TUB: variants seen among roughly 807,000 people sequenced by gnomAD.
The protein encoded by TUB is TUB bipartite transcription factor.
Under a neutral mutation model 59.7 loss-of-function variants are expected in TUB, and 33 were observed. That is an observed-to-expected ratio of 0.55 (90% CI 0.42 to 0.74). The LOEUF (loss-of-function observed/expected upper bound fraction) is 0.74. Among genes scored for constraint, TUB ranks in the 30% least tolerant of loss-of-function variants. The pLI is 0.00. For synonymous variants in TUB, 293 were observed against 256.4 expected (o/e 1.14, Z -1.36); for missense variants, 659 against 672.0 (o/e 0.98, Z 0.21).
intron 9 of TUB, among the ~76,000 whole-genome samples, chr11:8,100,158 TG>T (rs1322169848): frequency 2.0e-5 from 3 of 152,080 alleles, no homozygotes; most frequent in Admixed American, 6.5e-5. Context: ...TGAAAAGTGG[TG>T]GAAGTCTGGG....
intron 3 of TUB, among the ~76,000 whole-genome samples, chr11:8,090,731 C>T (rs186916107): frequency 1.9e-3 from 295 of 152,324 alleles, no homozygotes; most frequent in African/African-American, 6.5e-3. Context: ...CTGTAGTGAC[C>T]TGGAGCCTGC....
rs1412186938 is a variant in TUB, at chr11:8,100,900, TGTCTGGAATGATGACACACA to T, written c.1294_1313del (p.Trp432LeufsTer24). ...TCATCGAGCTGCAAAACAAGACACC[TGTCTGGAATGATGACACACA>T]GTCCTATGTACTCAACTTCCATGGG... On this transcript the variant is annotated frameshift_variant, in exon 11 of 12. Transcript: ENST00000299506. LOFTEE classifies it high-confidence loss of function. 1 of 1,614,058 alleles carries T rather than the reference TGTCTGGAATGATGACACACA, an allele frequency of 6.2e-7. No individual in the cohort carries two copies. Among genetic ancestry groups the T allele is most frequent in the Non-Finnish European group, 8.5e-7 (1 of 1,180,034 alleles).
At chr11:8,049,848 A>T (rs1942906161) in intron 2 of TUB, among the ~76,000 whole-genome samples, 1 of 152,176 alleles carries the variant, frequency 6.6e-6, no homozygotes, top group African/African-American at 2.4e-5. Context: ...TGAAGTATAT[A>T]TAGTAACATG....
intron 2 of TUB, among the ~76,000 whole-genome samples, chr11:8,044,151 C>T (rs1287522172): frequency 6.6e-6 from 1 of 152,130 alleles, no homozygotes; most frequent in African/African-American, 2.4e-5. Flanking sequence ...AAACATTGGG[C>T]ATTATTTCTT....
intron 1 of TUB, 38 bp downstream of exon 1, chr11:8,081,586 A>G: frequency 6.7e-7 from 1 of 1,495,264 alleles, no homozygotes; most frequent in Admixed American, 2.2e-5. Context: ...ACCACTCCCG[A>G]CTCGGGACGT....
intron 2 of TUB, among the ~76,000 whole-genome samples, chr11:8,048,661 C>T (rs1259553857): frequency 2.6e-5 from 4 of 152,180 alleles, no homozygotes; most frequent in Non-Finnish European, 5.9e-5. Flanking sequence ...CCAACTTGGC[C>T]TCCTAAAGTG....
In TUB at chr11:8,101,001, A is replaced by G. The variant is rs1181868273; in HGVS notation, c.1387+4A>G. On this transcript the variant is annotated splice_donor_region_variant and intron_variant, in intron 11 of 11. Coordinates refer to ENST00000299506, the MANE Select transcript of TUB (RefSeq NM_177972.3). ...CAGATCATCCATGGCAATGACCGTG[A>G]GTGTTTCTGTCCCTACTCATTATGG... 1.2e-6 allele frequency: 2 copies of G among 1,614,078 alleles called. No homozygotes were observed. The highest frequency in any genetic ancestry group is 1.7e-6 in the Non-Finnish European group (2 of 1,179,986).
At chr11:8,100,474 G>A (rs771451668) in intron 9 of TUB, 29 bp from the exon 10 acceptor site, 2 of 1,585,992 alleles carry the variant, frequency 1.3e-6, no homozygotes, top group Non-Finnish European at 1.7e-6. Context: ...AGACGCCTCA[G>A]GTGGCCAGTG....
At chr11:8,027,231 TC>T (rs760847882) in intron 1 of TUB, among the ~76,000 whole-genome samples, 1 of 152,194 alleles carries the variant, frequency 6.6e-6, no homozygotes, top group Non-Finnish European at 1.5e-5. Context: ...CTTTTTATTA[TC>T]CTAAACTGAA....
At chr11:8,032,630 T>G (rs1942591591) in intron 1 of TUB, among the ~76,000 whole-genome samples, 3 of 152,194 alleles carry the variant, frequency 2.0e-5, no homozygotes, top group Admixed American at 2.0e-4. Flanking sequence ...CACGTGTTCA[T>G]TCTCTTCCTC....
chr11:8,027,023 A>T (rs546055234), intron 1 of TUB, among the ~76,000 whole-genome samples: 1 of 152,182 alleles, frequency 6.6e-6, no homozygotes, highest in African/African-American at 2.4e-5. Flanking sequence ...ATATTTTTCA[A>T]TGATATTATA....
intron 2 of TUB, among the ~76,000 whole-genome samples, chr11:8,045,484 A>G (rs1016253179): frequency 2.6e-5 from 4 of 152,152 alleles, no homozygotes; most frequent in Admixed American, 2.6e-4. Flanking sequence ...TTAATAGTTA[A>G]TGGTGGGCTT....
intron 1 of TUB, chr11:8,039,456 G>T: frequency 2.4e-6 from 1 of 419,410 alleles, no homozygotes; most frequent in South Asian, 6.7e-5. Flanking sequence ...CCTGCCATCC[G>T]GGGCCCACAG....
At position 8,104,291 on chromosome 11, in the gene TUB, C is replaced by T. The variant is rs1944432103; in HGVS notation, c.*2672C>T. 1 of 152,158 alleles carries T rather than the reference C, an allele frequency of 6.6e-6. No individual in the cohort carries two copies. Among genetic ancestry groups the T allele is most frequent in the African/African-American group, 2.4e-5 (1 of 41,422 alleles). The allele number at this position is 152,158 out of a possible 1,614,324, so 9.4% of individuals were successfully genotyped here. On this transcript the variant is annotated 3_prime_UTR_variant, in exon 12 of 12. Transcript: ENST00000299506. ...TTAGGCAGCTTCTCTGTAACCGCTT[C>T]TGGGGCCACACCCCAAAACTCTACA... is the stretch of plus-strand genomic sequence containing the variant.
At chr11:8,089,735 C>A (rs1368123453) in intron 2 of TUB, 74 bp downstream of exon 2, 2 of 1,572,238 alleles carry the variant, frequency 1.3e-6, no homozygotes, top group South Asian at 1.1e-5. Flanking sequence ...GCAGGGCTGT[C>A]CATCTTCCCT....
intron 1 of TUB, among the ~76,000 whole-genome samples, chr11:8,026,747 A>G (rs1942505537): frequency 6.6e-6 from 1 of 152,166 alleles, no homozygotes; most frequent in African/African-American, 2.4e-5. Flanking sequence ...TCAATTTCAC[A>G]TTAATTTAAC....
chr11:8,061,342 T>A (rs1245273651), intron 2 of TUB, among the ~76,000 whole-genome samples: 1 of 152,170 alleles, frequency 6.6e-6, no homozygotes, highest in African/African-American at 2.4e-5. Flanking sequence ...AGCCTGGGCC[T>A]AGACCAGTGT....
chr11:8,083,291 G>A (rs1223545478), intron 1 of TUB, among the ~76,000 whole-genome samples: 1 of 152,156 alleles, frequency 6.6e-6, no homozygotes, highest in Non-Finnish European at 1.5e-5. Context: ...AGGGTGGGAG[G>A]GGCAGCACTT....
At chr11:8,055,384 T>A (rs1257900086) in intron 2 of TUB, among the ~76,000 whole-genome samples, 1 of 152,144 alleles carries the variant, frequency 6.6e-6, no homozygotes, top group East Asian at 1.9e-4. Flanking sequence ...TGAGATGGCT[T>A]CCCTGTGCCC....
Sources: allele counts gnomAD v4.1 joint callset (sites outside exome capture counted in the v4.1 genomes callset), GRCh38; gene constraint gnomAD v4.1.1; transcripts MANE v1.5; gene names NCBI Gene and HGNC (gene_info 2026-07-23, HGNC 2026-07-21).